Variants in DPP10 observed in about 807,000 individuals in gnomAD.
DPP10 encodes dipeptidyl peptidase like 10.
DPP10 carries 33 observed loss-of-function variants against 120.9 expected under a neutral mutation model. The ratio of observed to expected loss-of-function variants is 0.27; its 90% CI spans 0.21 to 0.37. The LOEUF is 0.37. DPP10 is among the 10% of genes least tolerant of loss of function. The pLI is 1.00. For synonymous variants in DPP10, 337 were observed against 326.1 expected (o/e 1.03, Z -0.36); for missense variants, 816 against 942.8 (o/e 0.87, Z 1.76).
intron 1 of DPP10, among the ~76,000 whole-genome samples, chr2:115,186,031 G>C (rs1385679735): frequency 6.6e-6 from 1 of 152,164 alleles, no homozygotes; most frequent in African/African-American, 2.4e-5. Context: ...TGTTAGACAT[G>C]AGTTTCACAC....
chr2:114,906,106 C>T (rs767764137), intron 1 of DPP10, among the ~76,000 whole-genome samples: 7 of 151,956 alleles, frequency 4.6e-5, no homozygotes, highest in African/African-American at 7.3e-5. Context: ...GGGCCGGGCA[C>T]GGGGGCTCAC....
At chr2:115,321,210 A>C (rs1574413504) in intron 2 of DPP10, among the ~76,000 whole-genome samples, 1 of 152,178 alleles carries the variant, frequency 6.6e-6, no homozygotes, top group Admixed American at 6.6e-5. Context: ...CTGAGGCAGG[A>C]GAATCACTTG....
intron 1 of DPP10, among the ~76,000 whole-genome samples, chr2:115,192,525 G>A (rs1383904038): frequency 6.6e-6 from 1 of 152,152 alleles, no homozygotes; most frequent in African/African-American, 2.4e-5. Flanking sequence ...TAAGGGGTTT[G>A]GATAACATTT....
At chr2:115,287,024 C>T (rs1321525721) in intron 1 of DPP10, among the ~76,000 whole-genome samples, 2 of 151,814 alleles carry the variant, frequency 1.3e-5, no homozygotes, top group Non-Finnish European at 2.9e-5. Flanking sequence ...CATTTATGAT[C>T]TAGAATAATT....
intron 5 of DPP10, among the ~76,000 whole-genome samples, chr2:115,563,949 T>C (rs560494835): frequency 5.9e-5 from 9 of 152,200 alleles, no homozygotes; most frequent in Non-Finnish European, 1.3e-4. Flanking sequence ...TGACATGCAA[T>C]ATATGTTTGC....
At chr2:115,194,213 G>A (rs184302854) in intron 1 of DPP10, among the ~76,000 whole-genome samples, 151 of 152,174 alleles carry the variant, frequency 9.9e-4, no homozygotes, top group African/African-American at 3.4e-3. Context: ...GCGGGTTACT[G>A]GGTTAAGGAG....
At chr2:115,637,307 G>A (rs894015816) in intron 5 of DPP10, among the ~76,000 whole-genome samples, 1 of 152,130 alleles carries the variant, frequency 6.6e-6, no homozygotes, top group Non-Finnish European at 1.5e-5. Flanking sequence ...ATACACAATA[G>A]GAAGGGGAGT....
intron 3 of DPP10, among the ~76,000 whole-genome samples, chr2:115,423,717 A>C (rs1267299606): frequency 6.6e-6 from 1 of 152,160 alleles, no homozygotes; most frequent in South Asian, 2.1e-4. Flanking sequence ...ATGTACAGTG[A>C]ATCAATAGTA....
chr2:114,604,352 A>T (rs1038595418), intron 1 of DPP10, among the ~76,000 whole-genome samples: 11 of 152,038 alleles, frequency 7.2e-5, no homozygotes, highest in African/African-American at 2.4e-4. Flanking sequence ...TTCTCAGTTT[A>T]TATTAACTCA....
intron 1 of DPP10, among the ~76,000 whole-genome samples, chr2:114,677,781 A>G (rs1458308946): frequency 1.3e-5 from 2 of 152,142 alleles, no homozygotes; most frequent in Non-Finnish European, 2.9e-5. Context: ...GCTAAAATAG[A>G]TGTTTTTATT....
intron 1 of DPP10, among the ~76,000 whole-genome samples, chr2:115,273,665 C>T (rs2059795331): frequency 1.3e-5 from 2 of 152,162 alleles, no homozygotes; most frequent in Admixed American, 1.3e-4. Context: ...AGAGCTCTCG[C>T]AAACAGGTAG....
intron 1 of DPP10, among the ~76,000 whole-genome samples, chr2:114,896,516 T>G (rs1558855763): frequency 6.6e-6 from 1 of 152,040 alleles, no homozygotes; most frequent in Non-Finnish European, 1.5e-5. Context: ...GGGAGTTCAC[T>G]CATGATTTGG....
At chr2:114,496,594 C>T (rs1420680661) in intron 1 of DPP10, among the ~76,000 whole-genome samples, 4 of 151,994 alleles carry the variant, frequency 2.6e-5, no homozygotes, top group East Asian at 3.9e-4. Context: ...AGGGCTCCAT[C>T]CTCATGATCT....
At chr2:115,802,173 T>G (rs964772520) in intron 19 of DPP10, among the ~76,000 whole-genome samples, 1 of 152,236 alleles carries the variant, frequency 6.6e-6, no homozygotes, top group Non-Finnish European at 1.5e-5. Flanking sequence ...ATAGTGTATG[T>G]GTCGAGGAAT....
intron 1 of DPP10, among the ~76,000 whole-genome samples, chr2:115,072,640 G>A (rs181253277): frequency 3.3e-5 from 5 of 152,214 alleles, no homozygotes; most frequent in African/African-American, 7.2e-5. Context: ...GAGAAAATGT[G>A]TAAATAAGTT....
At chr2:114,867,854 C>T (rs1690366786) in intron 1 of DPP10, among the ~76,000 whole-genome samples, 1 of 152,210 alleles carries the variant, frequency 6.6e-6, no homozygotes, top group Non-Finnish European at 1.5e-5. Context: ...GGGCTGGCTT[C>T]CGTGAGTCTT....
chr2:115,832,787 C>T (rs1047974305), intron 21 of DPP10, among the ~76,000 whole-genome samples: 6 of 151,302 alleles, frequency 4.0e-5, no homozygotes. Context: ...GAATGTGGGT[C>T]GGGGAGAGCA....
At chr2:115,647,679 G>A (rs1188000294) in intron 5 of DPP10, among the ~76,000 whole-genome samples, 1 of 152,130 alleles carries the variant, frequency 6.6e-6, no homozygotes, top group Non-Finnish European at 1.5e-5. Context: ...TGGGGGCTGG[G>A]AAGTCCAAGA....
intron 1 of DPP10, among the ~76,000 whole-genome samples, chr2:115,280,829 C>T (rs2060128919): frequency 6.6e-6 from 1 of 152,150 alleles, no homozygotes; most frequent in African/African-American, 2.4e-5. Flanking sequence ...ATCCTAAATT[C>T]GTTTCTATGG....
Sources: gnomAD v4.1 joint callset for allele counts (sites outside exome capture counted in the v4.1 genomes callset) on GRCh38, gnomAD v4.1.1 for gene constraint, MANE v1.5 for transcripts, NCBI Gene and HGNC (gene_info 2026-07-23, HGNC 2026-07-21) for gene names.